GSE1: variants seen among roughly 807,000 people sequenced by gnomAD.
GSE1 encodes the protein genetic suppressor element 1.
In GSE1, 32 loss-of-function variants were observed where a neutral mutation model predicts 112.6. The ratio of observed to expected loss-of-function variants is 0.28; its 90% CI spans 0.21 to 0.38. The LOEUF (loss-of-function observed/expected upper bound fraction) is 0.38. Among genes scored for constraint, GSE1 ranks in the 10% least tolerant of loss-of-function variants. The pLI, the probability that GSE1 is intolerant of heterozygous loss-of-function variation, is 1.00. For synonymous variants in GSE1, 1,115 were observed against 735.6 expected, an observed-to-expected ratio of 1.52 and a Z score of -8.35; for missense variants, 2,348 against 1,699.2, an observed-to-expected ratio of 1.38 and a Z score of -6.71.
chr16:85,235,885 C>T (rs893162389), intron 1 of GSE1, among the ~76,000 whole-genome samples: 22 of 152,014 alleles, frequency 1.4e-4, no homozygotes, highest in African/African-American at 5.3e-4. Flanking sequence ...GGCGCCCGCG[C>T]CCCGCCCCCG....
At chr16:85,647,620 C>T (rs2050983424) in intron 2 of GSE1, among the ~76,000 whole-genome samples, 1 of 152,152 alleles carries the variant, frequency 6.6e-6, no homozygotes. Context: ...CGAAGTCTCG[C>T]TCTGTCGCCA....
At chr16:85,500,998 GTTTTTTTTT>G (rs55650214) in intron 2 of GSE1, among the ~76,000 whole-genome samples, 4 of 64,826 alleles carry the variant, frequency 6.2e-5, no homozygotes, top group African/African-American at 1.3e-4. Flanking sequence ...GGCCTGTTCT[GTTTTTTTTT>G]TTTTTTTTTT....
chr16:85,488,418 G>A (rs1000189487), intron 2 of GSE1, among the ~76,000 whole-genome samples: 28 of 152,132 alleles, frequency 1.8e-4, no homozygotes, highest in African/African-American at 6.8e-4. Context: ...CAGCCAGCAC[G>A]TTACAGCCTA....
At chr16:85,609,081 C>T (rs2047846420), upstream of GSE1, among the ~76,000 whole-genome samples, 1 of 152,172 alleles carries the variant, frequency 6.6e-6, no homozygotes, top group African/African-American at 2.4e-5. Flanking sequence ...GCGCCCGCAC[C>T]CCTGAGCACC....
intron 1 of GSE1, among the ~76,000 whole-genome samples, chr16:85,596,898 T>C (rs2047251259): frequency 6.6e-6 from 1 of 152,162 alleles, no homozygotes; most frequent in South Asian, 2.1e-4. Flanking sequence ...TATCTGGGCG[T>C]GGTGGCACAC....
At chr16:85,323,168 G>A (rs1373000231) in intron 1 of GSE1, among the ~76,000 whole-genome samples, 2 of 152,188 alleles carry the variant, frequency 1.3e-5, no homozygotes, top group Non-Finnish European at 2.9e-5. Flanking sequence ...TTTCAGGTGG[G>A]CCTGGAACTT....
intron 1 of GSE1, among the ~76,000 whole-genome samples, chr16:85,218,268 A>C (rs1016991019): frequency 2.6e-5 from 4 of 152,048 alleles, no homozygotes; most frequent in African/African-American, 9.7e-5. Context: ...ACTGTAAGTC[A>C]TGGGCTTGGG....
intron 2 of GSE1, among the ~76,000 whole-genome samples, chr16:85,429,448 C>T (rs915330490): frequency 6.6e-6 from 1 of 152,168 alleles, no homozygotes; most frequent in Non-Finnish European, 1.5e-5. Context: ...GCTCTGGTGG[C>T]AGAGGCAGGC....
At chr16:85,498,165 G>A (rs1318979760) in intron 2 of GSE1, among the ~76,000 whole-genome samples, 2 of 152,114 alleles carry the variant, frequency 1.3e-5, no homozygotes, top group East Asian at 1.9e-4. Context: ...ACACTCCCCC[G>A]TTTGTTCTGC....
chr16:85,370,970 G>A (rs1264820750), intron 2 of GSE1, among the ~76,000 whole-genome samples: 1 of 152,230 alleles, frequency 6.6e-6, no homozygotes, highest in Non-Finnish European at 1.5e-5. Context: ...AGGCTGGGAG[G>A]GCAGGAGGAG....
intron 1 of GSE1, among the ~76,000 whole-genome samples, chr16:85,274,014 T>G (rs1909113767): frequency 6.7e-6 from 1 of 148,828 alleles, no homozygotes; most frequent in African/African-American, 2.5e-5. Flanking sequence ...CTTTTTGGGG[T>G]GATGAAAAAG....
At chr16:85,187,932 C>G (rs771757970) in intron 1 of GSE1, among the ~76,000 whole-genome samples, 2 of 152,222 alleles carry the variant, frequency 1.3e-5, no homozygotes, top group Non-Finnish European at 2.9e-5. Context: ...CCCTCACGCT[C>G]AGGATAACCC....
chr16:85,545,079 C>T (rs2044650716), intron 2 of GSE1, among the ~76,000 whole-genome samples: 2 of 152,244 alleles, frequency 1.3e-5, no homozygotes, highest in Non-Finnish European at 1.5e-5. Flanking sequence ...ATGTGGACAA[C>T]CAGGGCTGTC....
At chr16:85,623,249 C>T (rs1393062222) in intron 1 of GSE1, among the ~76,000 whole-genome samples, 9 of 148,566 alleles carry the variant, frequency 6.1e-5, no homozygotes, top group African/African-American at 2.3e-4. Context: ...GGGTCTCGCT[C>T]TGTCACCTAC....
At chr16:85,257,231 C>G (rs925028860) in intron 1 of GSE1, among the ~76,000 whole-genome samples, 61 of 152,314 alleles carry the variant, frequency 4.0e-4, no homozygotes, top group Middle Eastern at 3.4e-3. Flanking sequence ...GCTTCATCCT[C>G]CCGAATAGCT....
intron 1 of GSE1, among the ~76,000 whole-genome samples, chr16:85,317,711 G>T (rs1375157360): frequency 4.6e-5 from 7 of 152,090 alleles, no homozygotes; most frequent in Non-Finnish European, 1.0e-4. Context: ...AGTGAACGCT[G>T]GTGAGCATTC....
At chr16:85,180,065 G>T (rs1223270549) in intron 1 of GSE1, among the ~76,000 whole-genome samples, 3 of 152,256 alleles carry the variant, frequency 2.0e-5, no homozygotes, top group African/African-American at 7.2e-5. Flanking sequence ...GTCTGGCCTG[G>T]CTCTGTGAGC....
At chr16:85,223,206 C>T (rs2075423617) in intron 1 of GSE1, among the ~76,000 whole-genome samples, 1 of 152,190 alleles carries the variant, frequency 6.6e-6, no homozygotes, top group Non-Finnish European at 1.5e-5. Flanking sequence ...GAACCAGAAC[C>T]ATGTTTTTAA....
intron 2 of GSE1, among the ~76,000 whole-genome samples, chr16:85,500,459 C>G (rs2051322662): frequency 6.6e-6 from 1 of 152,230 alleles, no homozygotes; most frequent in South Asian, 2.1e-4. Flanking sequence ...GTGCACAGCC[C>G]AGCCTTCGAT....
Sources: gnomAD v4.1 joint callset for allele counts (sites outside exome capture counted in the v4.1 genomes callset) on GRCh38, gnomAD v4.1.1 for gene constraint, MANE v1.5 for transcripts, NCBI Gene and HGNC (gene_info 2026-07-23, HGNC 2026-07-21) for gene names.